The following FOXP1 variants were observed in gnomAD, a reference collection of about 807,000 sequenced individuals.
FOXP1 encodes forkhead box protein P1.
FOXP1 carries 15 observed loss-of-function variants against 98.2 expected under a neutral mutation model. The ratio of observed to expected loss-of-function variants is 0.15; its 90% CI spans 0.10 to 0.24. FOXP1 has a LOEUF of 0.24. FOXP1 is among the 10% of genes least tolerant of loss of function. FOXP1 has a pLI of 1.00. For missense variants in FOXP1, 633 were observed against 848.5 expected (o/e 0.75, Z 3.15); for synonymous variants, 371 against 314.5 (o/e 1.18, Z -1.90).
At chr3:71,122,692 A>C (rs1363952482) in intron 6 of FOXP1, among the ~76,000 whole-genome samples, 1 of 152,214 alleles carries the variant, frequency 6.6e-6, no homozygotes, top group Admixed American at 6.5e-5. Flanking sequence ...GAAGTTCGGG[A>C]AAGTTTTGTA....
intron 4 of FOXP1, chr3:71,332,423 G>A (rs925189643): frequency 2.9e-5 from 5 of 175,086 alleles, no homozygotes; most frequent in Non-Finnish European, 4.6e-5. Flanking sequence ...CTCACAGCGA[G>A]GGTCCGCGGC....
At chr3:71,109,024 T>A (rs1356633740) in intron 7 of FOXP1, among the ~76,000 whole-genome samples, 3 of 152,220 alleles carry the variant, frequency 2.0e-5, no homozygotes, top group Admixed American at 2.0e-4. Flanking sequence ...CATAAAAAAA[T>A]TTGCGAAGCA....
At chr3:71,183,477 C>A (rs112350746) in intron 6 of FOXP1, among the ~76,000 whole-genome samples, 1 of 152,024 alleles carries the variant, frequency 6.6e-6, no homozygotes, top group Non-Finnish European at 1.5e-5. Flanking sequence ...GCAGTCTGGG[C>A]GACAGAGTAA....
In FOXP1 at chr3:71,394,095, C is replaced by A. The variant is rs143081532; in HGVS notation, c.-167-34851G>T. Among the ~76,000 whole-genome samples, 369 of 152,310 alleles carry A rather than the reference C, an allele frequency of 2.4e-3. 2 individuals are homozygous for A. The highest frequency in any genetic ancestry group is 8.6e-3 in the African/African-American group (357 of 41,564). On this transcript the variant is annotated intron_variant, in intron 3 of 20. Coordinates refer to ENST00000649528, the MANE Select transcript of FOXP1 (RefSeq NM_001349338.3). ...CCAACTATGCCTGCATCAACAATGT[C>A]CACTAAAAGAGCCCCAATTTCCAGA...
At chr3:71,237,922 G>C (rs1284837485) in intron 5 of FOXP1, among the ~76,000 whole-genome samples, 2 of 152,166 alleles carry the variant, frequency 1.3e-5, no homozygotes, top group African/African-American at 4.8e-5. Context: ...GAGGGGGAAG[G>C]GGAGAAGGAA....
chr3:71,230,226 C>G (rs1462387895), intron 5 of FOXP1, among the ~76,000 whole-genome samples: 3 of 152,192 alleles, frequency 2.0e-5, no homozygotes, highest in African/African-American at 7.2e-5. Flanking sequence ...AGATGCCAAG[C>G]AAACTGTGTA....
At chr3:71,202,911 A>G (rs1451578073) in intron 5 of FOXP1, among the ~76,000 whole-genome samples, 1 of 152,186 alleles carries the variant, frequency 6.6e-6, no homozygotes, top group African/African-American at 2.4e-5. Context: ...CTTCTCCATC[A>G]AGGGACGTTG....
intron 2 of FOXP1, among the ~76,000 whole-genome samples, chr3:71,514,198 G>A (rs1369387824): frequency 6.6e-6 from 1 of 152,118 alleles, no homozygotes; most frequent in African/African-American, 2.4e-5. Context: ...CTTTGATTAT[G>A]CATGACTTGC....
At chr3:71,047,328 T>C (rs1005649164) in intron 9 of FOXP1, among the ~76,000 whole-genome samples, 19 of 152,160 alleles carry the variant, frequency 1.2e-4, no homozygotes, top group Non-Finnish European at 2.6e-4. Context: ...AATTCGTCCA[T>C]CAAGCCAGCT....
intron 3 of FOXP1, among the ~76,000 whole-genome samples, chr3:71,429,248 T>A (rs1255543049): frequency 6.6e-6 from 1 of 151,982 alleles, no homozygotes; most frequent in East Asian, 1.9e-4. Flanking sequence ...AGGAAAACTA[T>A]GGGAGGGTCT....
At chr3:71,582,312 G>A (rs901393982) in intron 1 of FOXP1, 1 of 971,064 alleles carries the variant, frequency 1.0e-6, no homozygotes, top group Non-Finnish European at 1.2e-6. Flanking sequence ...CGGGGGCGAG[G>A]GAAGGCGGAG....
chr3:71,218,232 G>C (rs1212258160), intron 5 of FOXP1, among the ~76,000 whole-genome samples: 1 of 152,136 alleles, frequency 6.6e-6, no homozygotes, highest in East Asian at 1.9e-4. Context: ...TGATGTAATA[G>C]GTCTCCATGT....
intron 7 of FOXP1, among the ~76,000 whole-genome samples, chr3:71,102,847 TTG>T (rs1268949985): frequency 6.6e-6 from 1 of 152,062 alleles, no homozygotes; most frequent in African/African-American, 2.4e-5. Flanking sequence ...TTGAGCCAGA[TTG>T]TGTGGGCTAG....
chr3:71,425,195 A>C (rs1227512931), intron 3 of FOXP1, among the ~76,000 whole-genome samples: 1 of 152,084 alleles, frequency 6.6e-6, no homozygotes, highest in African/African-American at 2.4e-5. Flanking sequence ...GGCTCACTGT[A>C]GCATTCACCT....
At chr3:71,249,611 G>T (rs1350904914) in intron 5 of FOXP1, among the ~76,000 whole-genome samples, 2 of 152,144 alleles carry the variant, frequency 1.3e-5, no homozygotes, top group Non-Finnish European at 2.9e-5. Context: ...CACCATATTG[G>T]CATCCAACTG....
intron 7 of FOXP1, among the ~76,000 whole-genome samples, chr3:71,064,229 G>T (rs572903713): frequency 2.6e-5 from 4 of 152,270 alleles, no homozygotes; most frequent in Non-Finnish European, 5.9e-5. Flanking sequence ...CGTCGAATTT[G>T]AACAGCTAAG....
At chr3:71,017,581 T>G (rs2044695325) in intron 11 of FOXP1, among the ~76,000 whole-genome samples, 1 of 151,962 alleles carries the variant, frequency 6.6e-6, no homozygotes, top group South Asian at 2.1e-4. Context: ...TCTTTTATAT[T>G]TAACATAATT....
In FOXP1 at chr3:70,977,058, TA is replaced by T; in HGVS notation, c.1429-17del. On this transcript the variant is annotated splice_polypyrimidine_tract_variant and intron_variant, in intron 16 of 20. Coordinates refer to ENST00000649528, the MANE Select transcript of FOXP1 (RefSeq NM_001349338.3). ...CGAGAATGGCCTGTGAAGCAGAATG[TA>T]ACAGAAGATAATTTATGACCAAATC... 1 of 1,525,906 alleles carries T rather than the reference TA, an allele frequency of 6.6e-7. No homozygotes were observed. Among genetic ancestry groups the T allele is most frequent in the Non-Finnish European group, 9.1e-7 (1 of 1,099,806 alleles). 94.5% of individuals were successfully genotyped at this position (1,525,906 alleles called of 1,614,324 possible).
At chr3:70,975,407 G>C (rs2037288823) in intron 17 of FOXP1, among the ~76,000 whole-genome samples, 1 of 152,042 alleles carries the variant, frequency 6.6e-6, no homozygotes, top group South Asian at 2.1e-4. Flanking sequence ...AGGATAATTT[G>C]GGCCATAATG....
Sources: gnomAD v4.1 joint callset for allele counts (sites outside exome capture counted in the v4.1 genomes callset) on GRCh38, gnomAD v4.1.1 for gene constraint, MANE v1.5 for transcripts, NCBI Gene and HGNC (gene_info 2026-07-23, HGNC 2026-07-21) for gene names.